CPNE8: variants seen among roughly 807,000 people sequenced by gnomAD.
The protein encoded by CPNE8 is copine-8.
A neutral mutation model predicts 81.5 loss-of-function variants in CPNE8; 45 were observed. The ratio of observed to expected loss-of-function variants is 0.55; its 90% confidence interval spans 0.44 to 0.71. CPNE8 has a LOEUF of 0.71. CPNE8 is among the 30% of genes least tolerant of loss of function. The pLI is 0.00. For synonymous variants in CPNE8, 252 were observed against 226.3 expected, an observed-to-expected ratio of 1.11 and a Z score of -1.02; for missense variants, 594 against 672.1, an observed-to-expected ratio of 0.88 and a Z score of 1.28.
chr12:38,735,247 C>T (rs1940925627), intron 10 of CPNE8, among the ~76,000 whole-genome samples: 1 of 102,366 alleles, frequency 9.8e-6, no homozygotes, highest in Non-Finnish European at 2.2e-5. Flanking sequence ...GAAAATGGAG[C>T]AGTCACGAAA....
intron 1 of CPNE8, among the ~76,000 whole-genome samples, chr12:38,902,201 AAAAG>A (rs770930271): frequency 0.01 from 1,540 of 147,264 alleles, 42 homozygotes; most frequent in Admixed American, 0.035. Context: ...AGAGAAAGAG[AAAAG>A]AAAGAAAGAA....
At chr12:38,857,112 C>T (rs909643125) in intron 3 of CPNE8, among the ~76,000 whole-genome samples, 2 of 151,998 alleles carry the variant, frequency 1.3e-5, no homozygotes, top group African/African-American at 4.8e-5. Context: ...TACTGACAAC[C>T]TTCAAACTTT....
At chr12:38,683,768 C>T (rs941938105) in intron 16 of CPNE8, among the ~76,000 whole-genome samples, 2 of 151,986 alleles carry the variant, frequency 1.3e-5, no homozygotes, top group African/African-American at 4.8e-5. Flanking sequence ...TTAATTTTCT[C>T]ATGTAAAAAA....
intron 14 of CPNE8, among the ~76,000 whole-genome samples, chr12:38,699,864 T>C (rs184422219): frequency 1.5e-4 from 23 of 152,344 alleles, no homozygotes; most frequent in Admixed American, 1.4e-3. Flanking sequence ...TTTCATTTTC[T>C]AATTGTTTCT....
At chr12:38,851,050 G>T (rs1197670192) in intron 3 of CPNE8, among the ~76,000 whole-genome samples, 1 of 152,202 alleles carries the variant, frequency 6.6e-6, no homozygotes, top group Non-Finnish European at 1.5e-5. Context: ...CTTCCACCAT[G>T]TGATACAGCA....
intron 14 of CPNE8, among the ~76,000 whole-genome samples, chr12:38,696,312 T>A (rs1290417375): frequency 6.6e-6 from 1 of 152,078 alleles, no homozygotes; most frequent in Non-Finnish European, 1.5e-5. Context: ...CAACCCTTTT[T>A]GTTTATTCCA....
chr12:38,798,007 T>C (rs1287043854), intron 6 of CPNE8, among the ~76,000 whole-genome samples: 1 of 151,776 alleles, frequency 6.6e-6, no homozygotes, highest in African/African-American at 2.4e-5. Context: ...GAAAAAAGAA[T>C]AAAAAGAAAT....
At chr12:38,872,681 T>C (rs1057462934) in intron 3 of CPNE8, among the ~76,000 whole-genome samples, 4 of 152,208 alleles carry the variant, frequency 2.6e-5, no homozygotes, top group Non-Finnish European at 4.4e-5. Context: ...GTATCAGCAA[T>C]TGATCTCTAA....
chr12:38,839,125 C>T (rs1026742534), intron 5 of CPNE8, among the ~76,000 whole-genome samples: 3 of 152,126 alleles, frequency 2.0e-5, no homozygotes, highest in African/African-American at 7.2e-5. Context: ...TCAGTTATCT[C>T]CTTTCAGAAT....
intron 10 of CPNE8, among the ~76,000 whole-genome samples, chr12:38,751,896 T>C (rs1167105250): frequency 6.6e-6 from 1 of 152,174 alleles, no homozygotes; most frequent in Non-Finnish European, 1.5e-5. Flanking sequence ...ATTTTCTTTT[T>C]CACCAGGCTG....
intron 10 of CPNE8, among the ~76,000 whole-genome samples, chr12:38,737,039 G>C (rs1940971836): frequency 6.6e-6 from 1 of 151,904 alleles, no homozygotes; most frequent in Non-Finnish European, 1.5e-5. Flanking sequence ...CTCTAGAAAA[G>C]GAAGTCTGTG....
intron 5 of CPNE8, among the ~76,000 whole-genome samples, chr12:38,831,970 A>G (rs998991036): frequency 6.6e-6 from 1 of 152,254 alleles, no homozygotes; most frequent in Non-Finnish European, 1.5e-5. Context: ...AGAATAAAAC[A>G]TAAATATTGA....
chr12:38,772,001 T>C (rs745669307), intron 7 of CPNE8, among the ~76,000 whole-genome samples: 3 of 152,074 alleles, frequency 2.0e-5, no homozygotes, highest in African/African-American at 4.8e-5. Flanking sequence ...GGTGTTTGGG[T>C]TATGGGTGTG....
intron 8 of CPNE8, among the ~76,000 whole-genome samples, 159 bp downstream of exon 8, chr12:38,767,476 A>T (rs1342848995): frequency 6.6e-6 from 1 of 152,130 alleles, no homozygotes; most frequent in Non-Finnish European, 1.5e-5. Flanking sequence ...AATGTTTATA[A>T]AGTTGCACAA....
At chr12:38,905,849 G>C, upstream of CPNE8, 2 of 985,330 alleles carry the variant, frequency 2.0e-6, no homozygotes, top group Non-Finnish European at 2.4e-6. Context: ...TGGCTGGAGG[G>C]GTCAGGCTTG....
At chr12:38,691,442 T>C (rs546155424) in intron 15 of CPNE8, among the ~76,000 whole-genome samples, 1 of 152,312 alleles carries the variant, frequency 6.6e-6, no homozygotes, top group African/African-American at 2.4e-5. Context: ...CAGTAAATAC[T>C]CAGCATTGAG....
At chr12:38,772,683 C>T (rs977118329) in intron 7 of CPNE8, among the ~76,000 whole-genome samples, 2 of 152,126 alleles carry the variant, frequency 1.3e-5, no homozygotes, top group Non-Finnish European at 2.9e-5. Context: ...CAAATTAGTG[C>T]AGCCACTGTG....
chr12:38,857,683 T>C (rs1592140538), intron 3 of CPNE8, among the ~76,000 whole-genome samples: 1 of 151,890 alleles, frequency 6.6e-6, no homozygotes. Context: ...GAGGCCAGGG[T>C]GGGTGGATCA....
intron 1 of CPNE8, among the ~76,000 whole-genome samples, chr12:38,902,849 T>C (rs776354602): frequency 4.5e-4 from 69 of 152,314 alleles, no homozygotes; most frequent in Non-Finnish European, 7.3e-4. Context: ...AACATGTTTT[T>C]GTTTCATGCA....
Sources: gnomAD v4.1 joint callset for allele counts (sites outside exome capture counted in the v4.1 genomes callset) on GRCh38, gnomAD v4.1.1 for gene constraint, MANE v1.5 for transcripts, NCBI Gene and HGNC (gene_info 2026-07-23, HGNC 2026-07-21) for gene names.